Variants in CTCF observed in about 807,000 individuals in gnomAD.
The protein encoded by CTCF is CCCTC-binding factor, also known as transcriptional repressor CTCF.
In CTCF, 7 loss-of-function variants were observed where a neutral mutation model predicts 72.3. The observed-to-expected ratio is 0.10, with a 90% CI of 0.06 to 0.18. The LOEUF (loss-of-function observed/expected upper bound fraction) is 0.18, where lower values mean the gene tolerates loss of function less well. Ranked by LOEUF, CTCF falls within the 10% of genes least tolerant of loss-of-function variation. The pLI, the probability that CTCF is intolerant of heterozygous loss-of-function variation, is 1.00. For synonymous variants in CTCF, 374 were observed against 315.8 expected, an observed-to-expected ratio of 1.18 and a Z score of -1.95; for missense variants, 516 against 949.1, an observed-to-expected ratio of 0.54 and a Z score of 6.00.
rs997449260 is a variant in CTCF, at chr16:67,576,630, T to G, written c.-10+5366T>G. Among the ~76,000 whole-genome samples, 13 of 145,648 alleles carry G rather than the reference T, an allele frequency of 8.9e-5. No homozygotes were observed. The Admixed American group carries it at 9.2e-4, about 10-fold the overall frequency. On this transcript the variant is annotated intron_variant, in intron 2 of 11. Coordinates refer to ENST00000264010, the MANE Select transcript of CTCF (RefSeq NM_006565.4). ...GTGCAGTGGCACGATCTCTGCTCAC[T>G]GCAAACTCCGCCTCCCGGCTTCACA...
At chr16:67,567,435 A>T (rs1262795581) in intron 1 of CTCF, among the ~76,000 whole-genome samples, 2 of 152,084 alleles carry the variant, frequency 1.3e-5, no homozygotes, top group East Asian at 3.9e-4. Flanking sequence ...TATGCTAATC[A>T]CCTATTTGTG....
At chr16:67,616,205 C>T in intron 4 of CTCF, 1 of 153,176 alleles carries the variant, frequency 6.5e-6, no homozygotes, top group South Asian at 2.0e-4. Context: ...TGATAAGCCT[C>T]TGAAATTCCT....
chr16:67,593,188 A>T (rs2051769140), intron 2 of CTCF, among the ~76,000 whole-genome samples: 1 of 151,856 alleles, frequency 6.6e-6, no homozygotes, highest in African/African-American at 2.4e-5. Context: ...AATTTTTTAC[A>T]ATTTCAACTT....
At chr16:67,604,758 T>C (rs1279170402) in intron 2 of CTCF, among the ~76,000 whole-genome samples, 1 of 149,136 alleles carries the variant, frequency 6.7e-6, no homozygotes, top group Non-Finnish European at 1.5e-5. Flanking sequence ...TTTTGTTTTT[T>C]TTTTTTACTT....
At chr16:67,604,490 C>A (rs1365128780) in intron 2 of CTCF, among the ~76,000 whole-genome samples, 1 of 151,996 alleles carries the variant, frequency 6.6e-6, no homozygotes, top group Non-Finnish European at 1.5e-5. Flanking sequence ...CTATAGGCAT[C>A]CGCCACCACG....
intron 2 of CTCF, among the ~76,000 whole-genome samples, chr16:67,603,786 C>G (rs969191497): frequency 1.1e-4 from 16 of 149,394 alleles, no homozygotes; most frequent in Non-Finnish European, 4.4e-5. Context: ...GATCGCGCCA[C>G]TGCACTTCAG....
intron 2 of CTCF, among the ~76,000 whole-genome samples, chr16:67,590,602 G>T (rs2051729061): frequency 6.6e-6 from 1 of 151,726 alleles, no homozygotes; most frequent in Admixed American, 6.6e-5. Context: ...CTCCCAAAGT[G>T]CTGGGATTAC....
chr16:67,580,787 T>TTTTTTTTTTTTTTTTTTTTTTTTTG (rs2051568760), intron 2 of CTCF, among the ~76,000 whole-genome samples: 1 of 148,854 alleles, frequency 6.7e-6, no homozygotes, highest in African/African-American at 2.5e-5. Flanking sequence ...TTTTTTTTTT[T>TTTTTTTTTTTTTTTTTTTTTTTTTG]TTTTTTTTAG....
chr16:67,593,002 G>A (rs2051765745), intron 2 of CTCF, among the ~76,000 whole-genome samples: 1 of 151,124 alleles, frequency 6.6e-6, no homozygotes, highest in African/African-American at 2.4e-5. Context: ...TTCCAGCCTG[G>A]GTGACAGAGT....
intron 1 of CTCF, among the ~76,000 whole-genome samples, chr16:67,567,274 G>T (rs1567588595): frequency 6.6e-6 from 1 of 152,312 alleles, no homozygotes; most frequent in East Asian, 1.9e-4. Flanking sequence ...CCAAAATACA[G>T]TCCAAAGGTG....
chr16:67,567,578 C>CT (rs551109085), intron 1 of CTCF, among the ~76,000 whole-genome samples: 113 of 147,728 alleles, frequency 7.6e-4, no homozygotes, highest in South Asian at 1.5e-3. Flanking sequence ...TGCTTGGAAA[C>CT]TTTTTTTTTT....
intron 7 of CTCF, among the ~76,000 whole-genome samples, chr16:67,624,111 G>GTGTGTGTGTA (rs1567614049): frequency 2.2e-5 from 3 of 134,004 alleles, no homozygotes; most frequent in East Asian, 2.0e-4. Flanking sequence ...GTGTGTGTGT[G>GTGTGTGTGTA]TGTGTATGTG....
At chr16:67,567,027 G>A (rs1403408380) in intron 1 of CTCF, among the ~76,000 whole-genome samples, 1 of 151,916 alleles carries the variant, frequency 6.6e-6, no homozygotes, top group East Asian at 1.9e-4. Context: ...TTTTTTCTAG[G>A]TATGGGGTTT....
intron 10 of CTCF, among the ~76,000 whole-genome samples, chr16:67,629,876 G>A (rs938886099): frequency 1.4e-5 from 2 of 138,788 alleles, no homozygotes; most frequent in African/African-American, 5.4e-5. Context: ...CCGGGTTCAC[G>A]CCATTCTCCT....
chr16:67,610,808 T>C lies in CTCF; in HGVS notation c.-9-16T>C. The C allele has an allele frequency of 6.9e-7, 1 of 1,439,184 alleles. No individual in the cohort carries two copies. The highest frequency in any genetic ancestry group is 9.2e-7 in the Non-Finnish European group (1 of 1,089,448). 89.2% of individuals were successfully genotyped at this position (1,439,184 alleles called of 1,614,324 possible). A position where few individuals can be genotyped will look rare whatever the true frequency, so the allele number is the denominator to read the frequency against. On this transcript the variant is annotated splice_polypyrimidine_tract_variant and intron_variant, in intron 2 of 11. Coordinates refer to ENST00000264010, the MANE Select transcript of CTCF (RefSeq NM_006565.4). ...GCTTTGCTTTAAATAACAATCTGTG[T>C]TCTCCCTTAATAAAGGCAGGGGAAA...
chr16:67,598,141 A>G (rs1222131316), intron 2 of CTCF, among the ~76,000 whole-genome samples: 2 of 151,888 alleles, frequency 1.3e-5, no homozygotes, highest in Admixed American at 1.3e-4. Flanking sequence ...ACACCTGACT[A>G]ATTTTTTAAA....
Position 67,611,946 on chromosome 16 carries a change from C to T in CTCF, c.782-5C>T, listed in dbSNP as rs1178433861. 2 of 1,613,372 alleles carry T rather than the reference C, an allele frequency of 1.2e-6. No homozygotes were observed. Among genetic ancestry groups the T allele is most frequent in the Middle Eastern group, 1.7e-4 (1 of 6,058 alleles). ...CAGCAAGTAAGTGTTTTATTTTGCA[C>T]ATAGGTGTAAAGAAGACATTCCAGT... On this transcript the variant is annotated splice_polypyrimidine_tract_variant and splice_region_variant and intron_variant, in intron 3 of 11. Coordinates refer to ENST00000264010, the MANE Select transcript of CTCF (RefSeq NM_006565.4).
chr16:67,628,579 G>GT, intron 9 of CTCF, 27 bp downstream of exon 9: 8 of 1,607,362 alleles, frequency 5.0e-6, no homozygotes, highest in Non-Finnish European at 6.8e-6. Flanking sequence ...CACTTTGCCT[G>GT]TTATGATACT....
At chr16:67,595,601 A>G (rs1484799289) in intron 2 of CTCF, among the ~76,000 whole-genome samples, 1 of 152,112 alleles carries the variant, frequency 6.6e-6, no homozygotes, top group Non-Finnish European at 1.5e-5. Flanking sequence ...GGCACCATGC[A>G]TGTATTGTTT....
Sources: allele counts gnomAD v4.1 joint callset (sites outside exome capture counted in the v4.1 genomes callset), GRCh38; gene constraint gnomAD v4.1.1; transcripts MANE v1.5; gene names NCBI Gene and HGNC (gene_info 2026-07-23, HGNC 2026-07-21).